SYBU: variants seen among roughly 807,000 people sequenced by gnomAD.
SYBU encodes syntabulin.
Under a neutral mutation model 35.9 loss-of-function variants are expected in SYBU, and 21 were observed. That is an observed-to-expected ratio of 0.58 (90% CI 0.41 to 0.84). SYBU has a LOEUF of 0.84. Ranked by LOEUF, SYBU falls within the 40% of genes least tolerant of loss-of-function variation. SYBU has a pLI of 0.00. For synonymous variants in SYBU, 319 were observed against 324.3 expected, an observed-to-expected ratio of 0.98 and a Z score of 0.18; for missense variants, 768 against 848.2, an observed-to-expected ratio of 0.91 and a Z score of 1.17.
In SYBU at chr8:109,644,741, G is replaced by A. The variant is rs1182907174; in HGVS notation, c.-82C>T. 1 of 1,299,264 alleles carries A rather than the reference G, an allele frequency of 7.7e-7. No homozygotes were observed. The highest frequency in any genetic ancestry group is 9.9e-7 in the Non-Finnish European group (1 of 1,013,456). The allele number at this position is 1,299,264 out of a possible 1,614,324, so 80.5% of individuals were successfully genotyped here. A position where few individuals can be genotyped will look rare whatever the true frequency, so the allele number is the denominator to read the frequency against. ...CCTGCGAGCACGGAGCGAGGAGACT[G>A]CGCTGAGCCGGCGCGGGCTGCGGGC... On this transcript the variant is annotated 5_prime_UTR_variant, in exon 1 of 7. Coordinates refer to ENST00000276646, the MANE Select transcript of SYBU (RefSeq NM_001099754.2).
intron 1 of SYBU, among the ~76,000 whole-genome samples, chr8:109,662,870 T>A (rs1384288481): frequency 6.6e-6 from 1 of 152,172 alleles, no homozygotes; most frequent in Non-Finnish European, 1.5e-5. Context: ...CCCAACCAGA[T>A]CATGAACCTG....
chr8:109,643,020 A>G (rs1815104447), intron 1 of SYBU, 88 bp from the exon 2 acceptor site: 2 of 1,455,676 alleles, frequency 1.4e-6, no homozygotes, highest in Admixed American at 2.7e-5. Context: ...TCAATTTCTA[A>G]GAAATCACAT....
intron 1 of SYBU, among the ~76,000 whole-genome samples, chr8:109,675,833 CA>C (rs1352491622): frequency 6.6e-6 from 1 of 151,940 alleles, no homozygotes; most frequent in African/African-American, 2.4e-5. Context: ...AGAGACACAA[CA>C]AAAAAAGAAA....
At chr8:109,677,390 T>C (rs1817230606) in intron 1 of SYBU, among the ~76,000 whole-genome samples, 1 of 152,236 alleles carries the variant, frequency 6.6e-6, no homozygotes, top group African/African-American at 2.4e-5. Flanking sequence ...CTTCACATTT[T>C]CTGCATGACT....
chr8:109,577,682 A>ACTC (rs1822496813), intron 6 of SYBU, among the ~76,000 whole-genome samples, 186 bp downstream of exon 6: 1 of 152,130 alleles, frequency 6.6e-6, no homozygotes, highest in South Asian at 2.1e-4. Flanking sequence ...GCCTCCCTGA[A>ACTC]CTCCTGAAAC....
chr8:109,645,495 A>G, upstream of SYBU: 1 of 365,594 alleles, frequency 2.7e-6, no homozygotes, highest in Non-Finnish European at 5.4e-6. Context: ...GCCCGGCTCC[A>G]GGAAGTAGCT....
intron 3 of SYBU, among the ~76,000 whole-genome samples, chr8:109,587,450 C>A (rs888385034): frequency 6.6e-6 from 1 of 152,190 alleles, no homozygotes; most frequent in Non-Finnish European, 1.5e-5. Flanking sequence ...ACCAAATCTT[C>A]ATGCTACTTC....
intron 1 of SYBU, among the ~76,000 whole-genome samples, chr8:109,662,611 A>G (rs933264832): frequency 6.6e-6 from 1 of 152,182 alleles, no homozygotes; most frequent in African/African-American, 2.4e-5. Flanking sequence ...ATATGAATCT[A>G]ACATTAGTGT....
intron 2 of SYBU, among the ~76,000 whole-genome samples, chr8:109,621,510 T>C (rs977757283): frequency 6.6e-6 from 1 of 152,156 alleles, no homozygotes; most frequent in African/African-American, 2.4e-5. Context: ...CTCTTAACTC[T>C]CTACTCTTGT....
chr8:109,589,310 A>G (rs1823961033), intron 3 of SYBU, among the ~76,000 whole-genome samples: 2 of 152,190 alleles, frequency 1.3e-5, no homozygotes. Flanking sequence ...CCAGTTTCCT[A>G]ATTGGTTAAA....
At chr8:109,657,077 C>T (rs374724594) in intron 1 of SYBU, among the ~76,000 whole-genome samples, 15 of 152,144 alleles carry the variant, frequency 9.9e-5, no homozygotes, top group East Asian at 7.7e-4. Flanking sequence ...TTAAGAAATA[C>T]GGTTAAATGA....
Position 109,575,255 on chromosome 8 carries a change from G to A in SYBU, c.1643C>T (p.Pro548Leu). Reference protein sequence around the residue: ...ALVVDLTPRNPNSAILLSPVE... With the variant: ...ALVVDLTPRNLNSAILLSPVE... Reference sequence around the variant, plus strand: ...GGGAGACAAAAGGATGGCTGAGTTTGGATTTCTTGGAGTTAAATCAACCAC... The same window carrying A: ...GGGAGACAAAAGGATGGCTGAGTTTAGATTTCTTGGAGTTAAATCAACCAC... Residue 548 changes from proline (P) to leucine (L), a missense_variant, in exon 7 of 7, where the codon CCA becomes CTA. Physicochemically the swap from Pro to Leu is moderately conservative, Grantham distance 98 (BLOSUM62 -3). Coordinates refer to ENST00000276646, the MANE Select transcript of SYBU (RefSeq NM_001099754.2). 1.2e-6 allele frequency: 2 copies of A among 1,614,200 alleles called. No homozygotes were observed. Among genetic ancestry groups the A allele is most frequent in the Non-Finnish European group, 8.5e-7 (1 of 1,180,032 alleles).
chr8:109,666,706 C>T (rs1004221502), intron 1 of SYBU, among the ~76,000 whole-genome samples: 15 of 152,126 alleles, frequency 9.9e-5, no homozygotes, highest in African/African-American at 3.6e-4. Flanking sequence ...GGAAATCACA[C>T]CATTGCACGC....
At chr8:109,638,257 A>C (rs1033661357) in intron 2 of SYBU, among the ~76,000 whole-genome samples, 2 of 152,216 alleles carry the variant, frequency 1.3e-5, no homozygotes, top group African/African-American at 4.8e-5. Context: ...GCATGCTGCT[A>C]ACCATGTCAG....
intron 4 of SYBU, among the ~76,000 whole-genome samples, chr8:109,583,505 C>G (rs1182934956): frequency 6.6e-6 from 1 of 152,134 alleles, no homozygotes; most frequent in Non-Finnish European, 1.5e-5. Context: ...TTAAAAATAA[C>G]TCGTCAAAAA....
At chr8:109,586,817 G>C (rs1292377242) in intron 3 of SYBU, among the ~76,000 whole-genome samples, 1 of 152,232 alleles carries the variant, frequency 6.6e-6, no homozygotes, top group African/African-American at 2.4e-5. Context: ...TTTAGCTTCA[G>C]GGTGGGATTA....
intron 3 of SYBU, among the ~76,000 whole-genome samples, chr8:109,614,490 G>T (rs1811516970): frequency 6.6e-6 from 1 of 152,228 alleles, no homozygotes; most frequent in Non-Finnish European, 1.5e-5. Flanking sequence ...CTGTACCACA[G>T]TCCAAACTTA....
chr8:109,611,982 A>G (rs1474720657), intron 3 of SYBU, among the ~76,000 whole-genome samples: 1 of 152,212 alleles, frequency 6.6e-6, no homozygotes, highest in Non-Finnish European at 1.5e-5. Flanking sequence ...TGTGTTTTAT[A>G]TCAACACGTC....
chr8:109,675,125 G>C (rs993423118), intron 1 of SYBU, among the ~76,000 whole-genome samples: 2 of 152,112 alleles, frequency 1.3e-5, no homozygotes, highest in Non-Finnish European at 2.9e-5. Flanking sequence ...GAATCTCTGG[G>C]ACATAGCTAA....
Sources: allele counts gnomAD v4.1 joint callset (sites outside exome capture counted in the v4.1 genomes callset), GRCh38; gene constraint gnomAD v4.1.1; transcripts MANE v1.5; gene names NCBI Gene and HGNC (gene_info 2026-07-23, HGNC 2026-07-21).